The following TGFA variants were observed in gnomAD, a reference collection of about 807,000 sequenced individuals.
TGFA encodes transforming growth factor alpha.
In TGFA, 12 loss-of-function variants were observed where a neutral mutation model predicts 21.7. The observed-to-expected ratio is 0.55, with a 90% CI of 0.35 to 0.90. The LOEUF (loss-of-function observed/expected upper bound fraction) is 0.90. Among genes scored for constraint, TGFA ranks in the 40% least tolerant of loss-of-function variants. The pLI is 0.01. For synonymous variants in TGFA, 79 were observed against 88.1 expected (o/e 0.90, Z 0.58); for missense variants, 178 against 210.8 (o/e 0.84, Z 0.96).
chr2:70,458,877 C>G (rs1041924204), intron 3 of TGFA, among the ~76,000 whole-genome samples: 2 of 152,206 alleles, frequency 1.3e-5, no homozygotes, highest in African/African-American at 4.8e-5. Flanking sequence ...CAGGGCTTAG[C>G]TCTACAGAAA....
chr2:70,464,718 C>T (rs1670498766), intron 3 of TGFA, among the ~76,000 whole-genome samples: 1 of 152,178 alleles, frequency 6.6e-6, no homozygotes, highest in Non-Finnish European at 1.5e-5. Flanking sequence ...TTCTGAAACC[C>T]ACATGGCTTC....
intron 2 of TGFA, among the ~76,000 whole-genome samples, chr2:70,511,317 C>G (rs1406199040): frequency 6.6e-6 from 1 of 152,164 alleles, no homozygotes; most frequent in Non-Finnish European, 1.5e-5. Context: ...TGGTTTCACA[C>G]CATTTACATT....
intron 3 of TGFA, 125 bp downstream of exon 3, chr2:70,465,491 C>G: frequency 2.3e-6 from 3 of 1,292,026 alleles, no homozygotes; most frequent in Non-Finnish European, 3.2e-6. Flanking sequence ...CTGTTCCAAT[C>G]CTCTGACACA....
intron 1 of TGFA, among the ~76,000 whole-genome samples, chr2:70,542,431 G>A (rs1405786779): frequency 6.6e-6 from 1 of 152,072 alleles, no homozygotes; most frequent in African/African-American, 2.4e-5. Flanking sequence ...TTCAAACTCA[G>A]ACTAAAGCCC....
At chr2:70,506,583 A>G (rs1453339908) in intron 2 of TGFA, among the ~76,000 whole-genome samples, 1 of 152,246 alleles carries the variant, frequency 6.6e-6, no homozygotes, top group Non-Finnish European at 1.5e-5. Context: ...CACTGTATGC[A>G]TCACCAGTAA....
chr2:70,484,687 CTG>C (rs1415682550), intron 2 of TGFA, among the ~76,000 whole-genome samples: 1 of 152,168 alleles, frequency 6.6e-6, no homozygotes, highest in Non-Finnish European at 1.5e-5. Flanking sequence ...TGCATTATAA[CTG>C]TGGCATGTTG....
intron 3 of TGFA, among the ~76,000 whole-genome samples, chr2:70,461,985 T>C (rs1445750125): frequency 6.6e-6 from 1 of 152,184 alleles, no homozygotes; most frequent in Non-Finnish European, 1.5e-5. Flanking sequence ...CTAAAGACTG[T>C]TGTTCTTATG....
chr2:70,482,519 A>C (rs1213854845), intron 2 of TGFA, among the ~76,000 whole-genome samples: 1 of 152,180 alleles, frequency 6.6e-6, no homozygotes, highest in Non-Finnish European at 1.5e-5. Flanking sequence ...GCAGTCCTGG[A>C]ATGCTGTTGG....
intron 1 of TGFA, among the ~76,000 whole-genome samples, chr2:70,550,784 G>A (rs1393161170): frequency 6.6e-6 from 1 of 152,212 alleles, no homozygotes; most frequent in Non-Finnish European, 1.5e-5. Context: ...TCGCGCCACT[G>A]CACTCCAGCC....
At chr2:70,455,528 C>G (rs1192269124) in intron 4 of TGFA, among the ~76,000 whole-genome samples, 1 of 152,098 alleles carries the variant, frequency 6.6e-6, no homozygotes, top group African/African-American at 2.4e-5. Flanking sequence ...TTGTGCATAT[C>G]CAATTAGGTA....
intron 2 of TGFA, among the ~76,000 whole-genome samples, chr2:70,495,045 T>A (rs1330192623): frequency 2.6e-5 from 4 of 152,252 alleles, no homozygotes; most frequent in African/African-American, 9.6e-5. Flanking sequence ...TCCACTTATT[T>A]CCTTGGAGAA....
At chr2:70,462,983 A>G (rs1553491657) in intron 3 of TGFA, among the ~76,000 whole-genome samples, 1 of 151,966 alleles carries the variant, frequency 6.6e-6, no homozygotes, top group Non-Finnish European at 1.5e-5. Flanking sequence ...GCAGGGGGAA[A>G]ATGCCTGGAA....
intron 2 of TGFA, among the ~76,000 whole-genome samples, chr2:70,504,518 A>AC (rs1671861234): frequency 3.2e-4 from 46 of 145,188 alleles, no homozygotes; most frequent in South Asian, 2.8e-3. Flanking sequence ...ACACACACAC[A>AC]GAAGATTCCA....
intron 1 of TGFA, among the ~76,000 whole-genome samples, chr2:70,527,076 A>G (rs1477660823): frequency 6.6e-6 from 1 of 152,270 alleles, no homozygotes; most frequent in African/African-American, 2.4e-5. Context: ...ACCCTTATAC[A>G]ATCCAGCAAT....
intron 2 of TGFA, among the ~76,000 whole-genome samples, chr2:70,475,642 G>A (rs1670898137): frequency 6.6e-6 from 1 of 151,978 alleles, no homozygotes; most frequent in Non-Finnish European, 1.5e-5. Flanking sequence ...AAAATTTAGG[G>A]GCATTTTAGA....
At chr2:70,495,795 A>T (rs1216204591) in intron 2 of TGFA, among the ~76,000 whole-genome samples, 1 of 152,192 alleles carries the variant, frequency 6.6e-6, no homozygotes, top group African/African-American at 2.4e-5. Context: ...TTCATCTTGC[A>T]TAACTGGAAC....
chr2:70,509,547 A>G (rs1304479262), intron 2 of TGFA, among the ~76,000 whole-genome samples: 1 of 152,002 alleles, frequency 6.6e-6, no homozygotes, highest in Non-Finnish European at 1.5e-5. Context: ...TTTCATCCTC[A>G]CCTCTGAGAA....
chr2:70,484,521 A>G (rs1671215779), intron 2 of TGFA, among the ~76,000 whole-genome samples: 1 of 152,184 alleles, frequency 6.6e-6, no homozygotes, highest in South Asian at 2.1e-4. Context: ...TTACTTCATA[A>G]CAGCACTCAG....
At chr2:70,549,517 C>A (rs1673420969) in intron 1 of TGFA, among the ~76,000 whole-genome samples, 1 of 152,206 alleles carries the variant, frequency 6.6e-6, no homozygotes, top group East Asian at 1.9e-4. Flanking sequence ...TCCATTTTAA[C>A]CAGCCCTCCA....
Sources: gnomAD v4.1 joint callset for allele counts (sites outside exome capture counted in the v4.1 genomes callset) on GRCh38, gnomAD v4.1.1 for gene constraint, MANE v1.5 for transcripts, NCBI Gene and HGNC (gene_info 2026-07-23, HGNC 2026-07-21) for gene names.